Variants in CAMTA1 observed in about 807,000 individuals in gnomAD.
The protein encoded by CAMTA1 is calmodulin binding transcription activator 1.
CAMTA1 carries 27 observed loss-of-function variants against 170.9 expected under a neutral mutation model. The ratio of observed to expected loss-of-function variants is 0.16; its 90% CI spans 0.12 to 0.22. The LOEUF (loss-of-function observed/expected upper bound fraction) is 0.22. Among genes scored for constraint, CAMTA1 ranks in the 10% least tolerant of loss-of-function variants. The pLI is 1.00. For synonymous variants in CAMTA1, 833 were observed against 891.5 expected (o/e 0.93, Z 1.17); for missense variants, 1,619 against 2,217.2 (o/e 0.73, Z 5.42).
At position 7,251,147 on chromosome 1, in the gene CAMTA1, T is replaced by C. The variant is rs765878999; in HGVS notation, c.438+1521T>C. ...CTCCTGTGCCCGTAGGCCCCTGGTA[T>C]ATTTCATCTTTAGTAATACGTACAT... On this transcript the variant is annotated intron_variant, in intron 5 of 22. Coordinates refer to ENST00000303635, the MANE Select transcript of CAMTA1 (RefSeq NM_015215.4). This position sits in a 1 kb window ranked among gnomAD's most constrained non-coding sequence, Gnocchi z 5.1. Among the ~76,000 whole-genome samples, 33 of 152,200 alleles carry C rather than the reference T, an allele frequency of 2.2e-4. No homozygotes were observed. Among genetic ancestry groups the C allele is most frequent in the Non-Finnish European group, 3.7e-4 (25 of 68,048 alleles).
rs998864550 is a variant in CAMTA1, at chr1:6,914,592, G to A, written c.234+89382G>A. On this transcript the variant is annotated intron_variant, in intron 3 of 22. Transcript: ENST00000303635. ...CATTTTTTGTGGCCTCCGACTAGTG[G>A]TTAGGCTGTGTGGGGTGCTGTTTAC... Among the ~76,000 whole-genome samples the A allele has an allele frequency of 2.0e-5, 3 of 152,250 alleles. No homozygotes were observed. The East Asian group carries it at 5.8e-4, about 29-fold the overall frequency.
At chr1:6,794,163 G>T (rs982019128) in intron 1 of CAMTA1, among the ~76,000 whole-genome samples, 1 of 152,198 alleles carries the variant, frequency 6.6e-6, no homozygotes, top group African/African-American at 2.4e-5. Context: ...CCAAAATGGG[G>T]ACGCTTAGAG....
rs1456691812 is a variant in CAMTA1 at position 7,548,699 on chromosome 1, G to C, written c.510+80798G>C. The stretch of plus-strand genomic sequence containing the variant: ...GCCCATGGAAGGTGCCCCCTTAGGG[G>C]TGGAGGTGCCCATGGAGGGTGCCTC... On this transcript the variant is annotated intron_variant, in intron 6 of 22. Transcript: ENST00000303635. Among the ~76,000 whole-genome samples the C allele has an allele frequency of 1.3e-4, 14 of 110,082 alleles. 1 individual carries two copies. The highest frequency in any genetic ancestry group is 2.7e-4 in the Non-Finnish European group (13 of 47,326). The allele number at this position is 110,082 out of a possible 152,430, so 72.2% of individuals were successfully genotyped here. A position where few individuals can be genotyped will look rare whatever the true frequency, so the allele number is the denominator to read the frequency against.
chr1:7,018,448 C>G (rs1208238314), intron 3 of CAMTA1, among the ~76,000 whole-genome samples: 1 of 152,114 alleles, frequency 6.6e-6, no homozygotes, highest in African/African-American at 2.4e-5. Flanking sequence ...TCTTTACCCC[C>G]AGAAAGAACA....
intron 1 of CAMTA1, among the ~76,000 whole-genome samples, chr1:6,812,552 G>GT (rs903116140): frequency 7.9e-5 from 12 of 151,908 alleles, no homozygotes; most frequent in Admixed American, 2.0e-4. Context: ...ATGTTATACA[G>GT]TTTTTTTTAC....
At chr1:6,899,554 G>GCGCA (rs1306510241) in intron 3 of CAMTA1, among the ~76,000 whole-genome samples, 1,418 of 141,158 alleles carry the variant, frequency 0.01, 8 homozygotes, top group Middle Eastern at 0.015. Context: ...ACGCGCGCGC[G>GCGCA]CACACACACA....
At chr1:7,108,104 A>G (rs999432621) in intron 4 of CAMTA1, among the ~76,000 whole-genome samples, 1 of 152,070 alleles carries the variant, frequency 6.6e-6, no homozygotes, top group Non-Finnish European at 1.5e-5. Context: ...AAACCGTCCT[A>G]TGGTGCACAG....
chr1:7,495,079 C>T (rs941168247), intron 6 of CAMTA1, among the ~76,000 whole-genome samples: 6 of 152,108 alleles, frequency 3.9e-5, no homozygotes, highest in Admixed American at 2.0e-4. Context: ...TGGCTGCCCC[C>T]GTCGTTTAAA....
chr1:7,745,398 C>T (rs1453475846), intron 17 of CAMTA1, among the ~76,000 whole-genome samples: 1 of 151,944 alleles, frequency 6.6e-6, no homozygotes, highest in African/African-American at 2.4e-5. Flanking sequence ...TGGTGATAGG[C>T]GCCTGTAATC....
At chr1:7,169,313 T>C (rs914434801) in intron 4 of CAMTA1, among the ~76,000 whole-genome samples, 1 of 152,188 alleles carries the variant, frequency 6.6e-6, no homozygotes, top group Non-Finnish European at 1.5e-5. Flanking sequence ...ATAATTATGC[T>C]GTGGAATAAT....
At chr1:7,691,232 G>A (rs527264480) in intron 11 of CAMTA1, among the ~76,000 whole-genome samples, 7 of 152,288 alleles carry the variant, frequency 4.6e-5, no homozygotes, top group Admixed American at 3.3e-4. Flanking sequence ...ATTCCAGGCC[G>A]CAGGAATGGC....
intron 6 of CAMTA1, among the ~76,000 whole-genome samples, chr1:7,479,000 A>C (rs2093469808): frequency 6.6e-6 from 1 of 152,232 alleles, no homozygotes. Flanking sequence ...ATCCAGACGT[A>C]GTGGGACAGA....
intron 1 of CAMTA1, among the ~76,000 whole-genome samples, chr1:6,817,567 C>G (rs188349124): frequency 6.6e-6 from 1 of 152,162 alleles, no homozygotes; most frequent in African/African-American, 2.4e-5. Flanking sequence ...ACATGAATTC[C>G]GAGCCTTGTC....
At chr1:6,910,550 G>A (rs1281397724) in intron 3 of CAMTA1, among the ~76,000 whole-genome samples, 2 of 152,174 alleles carry the variant, frequency 1.3e-5, no homozygotes, top group Non-Finnish European at 2.9e-5. Flanking sequence ...TTCTTGAAAG[G>A]AAAATGCTAA....
intron 5 of CAMTA1, among the ~76,000 whole-genome samples, chr1:7,438,682 C>A (rs930263756): frequency 3.3e-5 from 5 of 152,190 alleles, no homozygotes; most frequent in Non-Finnish European, 7.3e-5. Flanking sequence ...GGGGCAAGGG[C>A]AGGTGGAAGC....
At chr1:7,442,667 A>T (rs2092576784) in intron 5 of CAMTA1, among the ~76,000 whole-genome samples, 1 of 152,188 alleles carries the variant, frequency 6.6e-6, no homozygotes, top group Non-Finnish European at 1.5e-5. Flanking sequence ...TGAGGTTCTC[A>T]ATCTCCCAGA....
intron 5 of CAMTA1, among the ~76,000 whole-genome samples, chr1:7,340,334 C>G (rs1156519634): frequency 2.0e-5 from 3 of 152,166 alleles, no homozygotes; most frequent in Non-Finnish European, 4.4e-5. Flanking sequence ...CCTGCCCCCA[C>G]TAGCCTACCC....
At chr1:6,834,671 T>A (rs1652108330) in intron 3 of CAMTA1, 1 of 156,308 alleles carries the variant, frequency 6.4e-6, no homozygotes, top group Non-Finnish European at 1.4e-5. Context: ...AGAGTCGTGC[T>A]CTGTTGTCCT....
At chr1:7,737,882 C>A (rs2096783481) in intron 15 of CAMTA1, 77 bp from the exon 16 acceptor site, 4 of 1,431,080 alleles carry the variant, frequency 2.8e-6, no homozygotes, top group Non-Finnish European at 2.8e-6. Flanking sequence ...GTCTCTCAGG[C>A]ATAGAGAAAG....
Sources: gnomAD v4.1 joint callset for allele counts (sites outside exome capture counted in the v4.1 genomes callset) on GRCh38, gnomAD v4.1.1 for gene constraint, Gnocchi (gnomAD v3.1) non-coding constraint, MANE v1.5 for transcripts, NCBI Gene and HGNC (gene_info 2026-07-23, HGNC 2026-07-21) for gene names.